The following CLASP2 variants were observed in gnomAD, a reference collection of about 807,000 sequenced individuals.
CLASP2 encodes cytoplasmic linker associated protein 2, also known as CLIP-associating protein 2.
Under a neutral mutation model 194.4 loss-of-function variants are expected in CLASP2, and 47 were observed. The observed-to-expected ratio is 0.24, with a 90% confidence interval of 0.19 to 0.31. The LOEUF (loss-of-function observed/expected upper bound fraction) is 0.31. Among genes scored for constraint, CLASP2 ranks in the 10% least tolerant of loss-of-function variants. The probability of loss-of-function intolerance (pLI) is 1.00; values close to 1 mark genes in which losing one functional copy is unlikely to be tolerated. For missense variants in CLASP2, 1,445 were observed against 1,823.6 expected, an observed-to-expected ratio of 0.79 and a Z score of 3.78; for synonymous variants, 619 against 633.5, an observed-to-expected ratio of 0.98 and a Z score of 0.34.
intron 6 of CLASP2, among the ~76,000 whole-genome samples, chr3:33,682,461 G>T (rs1285656092): frequency 6.6e-6 from 1 of 152,048 alleles, no homozygotes; most frequent in Non-Finnish European, 1.5e-5. Context: ...GTAAATGAAG[G>T]TTCATTATTT....
chr3:33,534,676 T>A (rs2057003771), intron 34 of CLASP2, among the ~76,000 whole-genome samples: 1 of 152,180 alleles, frequency 6.6e-6, no homozygotes, highest in Non-Finnish European at 1.5e-5. Flanking sequence ...ATCATCATCA[T>A]CCTCTTTTGG....
intron 22 of CLASP2, among the ~76,000 whole-genome samples, chr3:33,582,908 T>TA (rs749852734): frequency 2.0e-4 from 30 of 152,158 alleles, no homozygotes; most frequent in Non-Finnish European, 3.8e-4. Flanking sequence ...TGAAAAGCGC[T>TA]AGGAACAGTA....
intron 30 of CLASP2, among the ~76,000 whole-genome samples, chr3:33,548,759 A>C (rs1461003582): frequency 1.3e-4 from 15 of 111,512 alleles, no homozygotes; most frequent in Non-Finnish European, 2.9e-4. Context: ...CTACGGTTTC[A>C]TTTCTTTTTT....
intron 6 of CLASP2, among the ~76,000 whole-genome samples, chr3:33,672,851 G>GATGAAATGA (rs1451106012): frequency 6.6e-5 from 10 of 152,192 alleles, no homozygotes; most frequent in African/African-American, 2.4e-4. Flanking sequence ...AGTGATGGAA[G>GATGAAATGA]ATGAAATGAA....
At chr3:33,543,193 T>G (rs147833645) in intron 32 of CLASP2, among the ~76,000 whole-genome samples, 2,771 of 152,174 alleles carry the variant, frequency 0.018, 51 homozygotes, top group Non-Finnish European at 0.027. Context: ...GCCAACATGG[T>G]GAAACCCTGT....
intron 8 of CLASP2, among the ~76,000 whole-genome samples, chr3:33,636,569 A>T (rs1021056617): frequency 1.3e-5 from 2 of 152,214 alleles, no homozygotes; most frequent in African/African-American, 4.8e-5. Flanking sequence ...AGAAGATATG[A>T]AAAGACAGCT....
chr3:33,579,464 T>A (rs945349821), intron 23 of CLASP2, among the ~76,000 whole-genome samples: 7 of 152,232 alleles, frequency 4.6e-5, no homozygotes, highest in Non-Finnish European at 1.0e-4. Context: ...ATATGTTTTC[T>A]AGGAACGTGC....
rs1335330705 is a variant in CLASP2, at chr3:33,685,958, T to G, written c.546+1102A>C. On this transcript the variant is annotated intron_variant, in intron 5 of 38. Coordinates refer to ENST00000682230, the MANE Select transcript of CLASP2 (RefSeq NM_001365631.1). ...TGCAAAACAATGTGAATGTACGTAATGCCACTGAACTTACACTTAAAAATG... is the reference window on the plus strand; with the variant it reads ...TGCAAAACAATGTGAATGTACGTAAGGCCACTGAACTTACACTTAAAAATG... Among the ~76,000 whole-genome samples the G allele has an allele frequency of 2.0e-5, 3 of 152,212 alleles. No individual in the cohort carries two copies. The East Asian group carries it at 5.8e-4, about 29-fold the overall frequency.
chr3:33,561,383 T>C (rs1189228446), intron 27 of CLASP2, among the ~76,000 whole-genome samples: 1 of 152,202 alleles, frequency 6.6e-6, no homozygotes, highest in Non-Finnish European at 1.5e-5. Flanking sequence ...ATGACTACAA[T>C]GACCTTAAAG....
At chr3:33,679,434 G>A (rs1474580378) in intron 6 of CLASP2, among the ~76,000 whole-genome samples, 1 of 152,058 alleles carries the variant, frequency 6.6e-6, no homozygotes, top group Admixed American at 6.6e-5. Flanking sequence ...ACACCATCAA[G>A]AGAATGAGAA....
At chr3:33,589,758 A>G (rs2068286383) in intron 21 of CLASP2, among the ~76,000 whole-genome samples, 1 of 152,274 alleles carries the variant, frequency 6.6e-6, no homozygotes, top group Non-Finnish European at 1.5e-5. Flanking sequence ...TCTATTTTCC[A>G]GTGAAGTGAT....
At chr3:33,561,750 T>G (rs1488496821) in intron 27 of CLASP2, among the ~76,000 whole-genome samples, 1 of 152,188 alleles carries the variant, frequency 6.6e-6, no homozygotes, top group African/African-American at 2.4e-5. Flanking sequence ...ATTAAAATAC[T>G]TATGAAAAGT....
At chr3:33,523,224 A>G (rs1374296660) in intron 34 of CLASP2, among the ~76,000 whole-genome samples, 3 of 152,238 alleles carry the variant, frequency 2.0e-5, no homozygotes, top group Non-Finnish European at 4.4e-5. Context: ...GAGTATCAGA[A>G]GAGAACAGAA....
chr3:33,595,610 A>ATT (rs1318809460), intron 19 of CLASP2, among the ~76,000 whole-genome samples: 3 of 151,852 alleles, frequency 2.0e-5, no homozygotes, highest in Admixed American at 6.6e-5. Context: ...ACGTCTGTGT[A>ATT]TTTTTTTTAA....
At chr3:33,636,118 G>GA (rs1308795510) in intron 8 of CLASP2, among the ~76,000 whole-genome samples, 1 of 152,088 alleles carries the variant, frequency 6.6e-6, no homozygotes, top group Non-Finnish European at 1.5e-5. Flanking sequence ...GGTGGATAAA[G>GA]AAAAGGAAGA....
intron 36 of CLASP2, among the ~76,000 whole-genome samples, chr3:33,514,288 A>T (rs946357488): frequency 6.7e-6 from 1 of 149,518 alleles, no homozygotes; most frequent in African/African-American, 2.4e-5. Flanking sequence ...TGCCCAGCCA[A>T]TTTTTTTTTT....
rs576284050 is a variant in CLASP2 at position 33,598,189 on chromosome 3, C to T, written c.1925-1455G>A. Reference sequence around the variant, plus strand: ...TTTTTTTTTTTCACTCTAATAAATCCTTTTGCTCTAACAAATGTCAGCCAT... The same window carrying T: ...TTTTTTTTTTTCACTCTAATAAATCTTTTTGCTCTAACAAATGTCAGCCAT... On this transcript the variant is annotated intron_variant, in intron 18 of 38. Coordinates refer to ENST00000682230, the MANE Select transcript of CLASP2 (RefSeq NM_001365631.1). 5.9e-5 allele frequency among the ~76,000 whole-genome samples: 9 copies of T among 151,562 alleles called. No individual in the cohort carries two copies. In the East Asian group the frequency reaches 1.7e-3, roughly 29 times the overall value.
intron 34 of CLASP2, among the ~76,000 whole-genome samples, chr3:33,518,364 T>G (rs1469620025): frequency 1.3e-5 from 2 of 152,248 alleles, no homozygotes; most frequent in Admixed American, 1.3e-4. Context: ...CACATTTGAA[T>G]GTAACAAAAT....
chr3:33,697,012 A>G, intron 1 of CLASP2, 79 bp from the exon 2 acceptor site: 5 of 786,130 alleles, frequency 6.4e-6, no homozygotes, highest in Non-Finnish European at 1.0e-5. Context: ...TTGACATATA[A>G]AAGATCTTCA....
Sources: allele counts gnomAD v4.1 joint callset (sites outside exome capture counted in the v4.1 genomes callset), GRCh38; gene constraint gnomAD v4.1.1; transcripts MANE v1.5; gene names NCBI Gene and HGNC (gene_info 2026-07-23, HGNC 2026-07-21).